The following USP4 variants were observed in gnomAD, a reference collection of about 807,000 sequenced individuals.
USP4 encodes ubiquitin carboxyl-terminal hydrolase 4.
A neutral mutation model predicts 118.2 loss-of-function variants in USP4; 72 were observed. The observed-to-expected ratio is 0.61, with a 90% CI of 0.50 to 0.74. The LOEUF is 0.74. Among genes scored for constraint, USP4 ranks in the 30% least tolerant of loss-of-function variants. The pLI, the probability that USP4 is intolerant of heterozygous loss-of-function variation, is 0.00. For synonymous variants in USP4, 415 were observed against 440.4 expected, an observed-to-expected ratio of 0.94 and a Z score of 0.72; for missense variants, 1,037 against 1,185.7, an observed-to-expected ratio of 0.87 and a Z score of 1.84.
Position 49,293,932 on chromosome 3 carries a change from C to A in USP4, c.1883+475G>T, listed in dbSNP as rs2047177081. 2.0e-5 allele frequency among the ~76,000 whole-genome samples: 3 copies of A among 151,794 alleles called. No homozygotes were observed. In the South Asian group the frequency reaches 6.2e-4, roughly 32 times the overall value. ...CCTAAGATGTGCCAGGTGGCTCATC[C>A]CAATAGCACCTGCCCTGGCCCATCC... On this transcript the variant is annotated intron_variant, in intron 14 of 21. Transcript: ENST00000265560.
At chr3:49,331,646 A>T (rs1490578958) in intron 2 of USP4, among the ~76,000 whole-genome samples, 2 of 152,146 alleles carry the variant, frequency 1.3e-5, no homozygotes, top group Non-Finnish European at 2.9e-5. Context: ...AAACAAAAAT[A>T]TTCGGTATAC....
chr3:49,338,921 G>A (rs1037845808), intron 1 of USP4, among the ~76,000 whole-genome samples: 2 of 152,136 alleles, frequency 1.3e-5, no homozygotes, highest in Non-Finnish European at 2.9e-5. Context: ...GCCGAGGCGG[G>A]TGGATCATAA....
intron 20 of USP4, among the ~76,000 whole-genome samples, chr3:49,280,034 G>A (rs1284990918): frequency 6.6e-6 from 1 of 152,192 alleles, no homozygotes; most frequent in Non-Finnish European, 1.5e-5. Flanking sequence ...GGCCAAGGCA[G>A]GGTGGTTCGC....
intron 8 of USP4, among the ~76,000 whole-genome samples, chr3:49,309,671 G>A (rs1488775929): frequency 8.7e-5 from 11 of 125,798 alleles, no homozygotes; most frequent in African/African-American, 3.0e-4. Context: ...TTGTTGCCCA[G>A]GCTGGAATAC....
intron 2 of USP4, among the ~76,000 whole-genome samples, chr3:49,329,213 A>G (rs145057056): frequency 6.6e-6 from 1 of 152,160 alleles, no homozygotes; most frequent in Admixed American, 6.6e-5. Flanking sequence ...TAAAAAATAA[A>G]GCAATTCAGT....
chr3:49,326,707 C>CG (rs2047559160), intron 3 of USP4, among the ~76,000 whole-genome samples: 1 of 138,300 alleles, frequency 7.2e-6, no homozygotes, highest in South Asian at 2.3e-4. Flanking sequence ...ATCAAAGACT[C>CG]TTTTTTTTTT....
At chr3:49,310,819 G>T in intron 7 of USP4, 82 bp from the exon 8 acceptor site, 2 of 1,101,688 alleles carry the variant, frequency 1.8e-6, no homozygotes, top group Non-Finnish European at 1.4e-6. Flanking sequence ...TCCTATGGGG[G>T]CCTCTAGAAC....
chr3:49,311,544 C>T lies in USP4; in HGVS notation c.806G>A (p.Cys269Tyr), dbSNP rs762802474. The part of the protein sequence containing the change: ...LIANGDSTST[C>Y]GMHSSGVSRG... Reference sequence around the variant, plus strand: ...GCTGACACCGGAACTGTGCATCCCACAGGTGCTAGTGCTATCACCATTTGC... The same window carrying T: ...GCTGACACCGGAACTGTGCATCCCATAGGTGCTAGTGCTATCACCATTTGC... The change falls in exon 7 of 22, where the codon TGT (cysteine) becomes TAT (tyrosine). Residue 269 changes from cysteine to tyrosine, a missense_variant. Coordinates refer to ENST00000265560, the MANE Select transcript of USP4 (RefSeq NM_003363.4). The T allele has an allele frequency of 1.6e-5, 26 of 1,613,912 alleles. No homozygotes were observed. The highest frequency in any genetic ancestry group is 2.1e-5 in the Non-Finnish European group (25 of 1,179,870).
In USP4 at chr3:49,280,748, G is replaced by A; in HGVS notation, c.2640C>T (p.Gly880=). The A allele has an allele frequency of 1.2e-6, 2 of 1,613,690 alleles. No homozygotes were observed. Among genetic ancestry groups the A allele is most frequent in the Non-Finnish European group, 1.7e-6 (2 of 1,179,696 alleles). ...GAAGCAGATGTCAATACTTACAGTG[G>A]CCAACCCCCATGGCTCCATAATGAT... ...VSNHYGAMGV[G]HYTAYAKNKL... The change falls in exon 20 of 22, where the codon GGC becomes GGT. Residue 880 remains glycine, a synonymous_variant. Coordinates refer to ENST00000265560, the MANE Select transcript of USP4 (RefSeq NM_003363.4).
Position 49,298,562 on chromosome 3 carries a change from G to T in USP4, c.1586C>A (p.Ala529Asp). ...CEALSRLSGI[A>D]AENMVVADVY... Reference sequence around the variant, plus strand: ...ATCACCCCGCCTTACATTTTCTGCAGCAATGCCAGACAGCCTGGAGAGAGC... The same window carrying T: ...ATCACCCCGCCTTACATTTTCTGCATCAATGCCAGACAGCCTGGAGAGAGC... Residue 529 changes from alanine (A) to aspartate (D), a missense_variant, in exon 12 of 22, where the codon GCT (alanine) becomes GAT (aspartate). Ala to Asp is a moderately radical substitution (Grantham distance 126). Coordinates refer to ENST00000265560, the MANE Select transcript of USP4 (RefSeq NM_003363.4). 2 of 1,614,136 alleles carry T rather than the reference G, an allele frequency of 1.2e-6. No individual in the cohort carries two copies. The highest frequency in any genetic ancestry group is 1.7e-6 in the Non-Finnish European group (2 of 1,179,994).
chr3:49,338,675 A>AAAAAAG lies in USP4; in HGVS notation c.101+1248_101+1249insCTTTTT, dbSNP rs1553628048. Reference sequence around the variant, plus strand: ...GAAATTCCTTCTCAAAAAAAAAAAAAAAAAGAAAAGAAAAGAAAAGAAAAC... The same window carrying AAAAAAG: ...GAAATTCCTTCTCAAAAAAAAAAAAAAAAAAGAAAAGAAAAGAAAAGAAAAGAAAAC... On this transcript the variant is annotated intron_variant, in intron 1 of 21. Coordinates refer to ENST00000265560, the MANE Select transcript of USP4 (RefSeq NM_003363.4). Among the ~76,000 whole-genome samples, 9 of 150,910 alleles carry AAAAAAG rather than the reference A, an allele frequency of 6.0e-5. No homozygotes were observed. The East Asian group carries it at 9.7e-4, about 16-fold the overall frequency.
At chr3:49,330,844 A>C (rs1234272777) in intron 2 of USP4, among the ~76,000 whole-genome samples, 1 of 151,242 alleles carries the variant, frequency 6.6e-6, no homozygotes, top group African/African-American at 2.4e-5. Context: ...CCCCGTCTCT[A>C]CTAAAAATAC....
At position 49,284,905 on chromosome 3, in the gene USP4, C is replaced by T. The variant is rs2047077085; in HGVS notation, c.2215G>A (p.Ala739Thr). The change falls in exon 17 of 22, where the codon GCC (alanine) becomes ACC (threonine). Residue 739 changes from alanine (A) to threonine (T), a missense_variant. Ala to Thr is a moderately conservative substitution (Grantham distance 58). Coordinates refer to ENST00000265560, the MANE Select transcript of USP4 (RefSeq NM_003363.4). ...CGAGTTTCACTGTCCCAATCCATGGCCAGTGTAGATCGAGCTGAGGAGGAC... is the reference window on the plus strand; with the variant it reads ...CGAGTTTCACTGTCCCAATCCATGGTCAGTGTAGATCGAGCTGAGGAGGAC... Reference protein sequence around the residue: ...LLKLNSRSTLAMDWDSETRRL... With the variant: ...LLKLNSRSTLTMDWDSETRRL... 1 of 1,612,984 alleles carries T rather than the reference C, an allele frequency of 6.2e-7. No individual in the cohort carries two copies. Among genetic ancestry groups the T allele is most frequent in the African/African-American group, 1.3e-5 (1 of 74,910 alleles).
At chr3:49,305,141 C>T (rs2047300615) in intron 9 of USP4, among the ~76,000 whole-genome samples, 2 of 150,662 alleles carry the variant, frequency 1.3e-5, no homozygotes, top group African/African-American at 4.9e-5. Flanking sequence ...GGCGCAATCT[C>T]GGCTCACTGC....
chr3:49,318,529 G>C lies in USP4; in HGVS notation c.695+6173C>G, dbSNP rs554517941. 1.7e-4 allele frequency: 165 copies of C among 985,426 alleles called. No individual in the cohort carries two copies. In the Middle Eastern group the frequency reaches 7.3e-3, roughly 44 times the overall value. The allele number at this position is 985,426 out of a possible 1,614,324, so 61.0% of individuals were successfully genotyped here. On this transcript the variant is annotated intron_variant, in intron 6 of 21. Coordinates refer to ENST00000265560, the MANE Select transcript of USP4 (RefSeq NM_003363.4). ...CCCTTGAGAAACTAATATTAAGTTA[G>C]CTGGAGCAATTCACATGGAAGAGAA... is the stretch of plus-strand genomic sequence containing the variant.
At chr3:49,327,461 G>T (rs1019633013) in intron 3 of USP4, among the ~76,000 whole-genome samples, 2 of 152,126 alleles carry the variant, frequency 1.3e-5, no homozygotes, top group African/African-American at 2.4e-5. Context: ...ACTTGAACCT[G>T]GGAGCCAGAG....
At chr3:49,295,730 ACACACC>A (rs1395513750) in intron 13 of USP4, among the ~76,000 whole-genome samples, 2 of 150,360 alleles carry the variant, frequency 1.3e-5, no homozygotes, top group Non-Finnish European at 2.9e-5. Context: ...ACACACACAC[ACACACC>A]CCCCCCTCCC....
chr3:49,322,099 C>T (rs1193151536), intron 6 of USP4, among the ~76,000 whole-genome samples: 2 of 152,182 alleles, frequency 1.3e-5, no homozygotes, highest in Non-Finnish European at 2.9e-5. Context: ...AGGACACCCC[C>T]AGACCCCTAG....
Position 49,312,711 on chromosome 3 carries a change from G to A in USP4, c.696-1057C>T, listed in dbSNP as rs572910751. 468 of 300,054 alleles carry A rather than the reference G, an allele frequency of 1.6e-3. 1 individual carries two copies. The highest frequency in any genetic ancestry group is 2.7e-3 in the Admixed American group (61 of 22,908). 18.6% of individuals were successfully genotyped at this position (300,054 alleles called of 1,614,324 possible). A position where few individuals can be genotyped will look rare whatever the true frequency, so the allele number is the denominator to read the frequency against. On this transcript the variant is annotated intron_variant, in intron 6 of 21. Transcript: ENST00000265560. ...GGAGGCTGAGGGGCAGGAGAATTGC[G>A]TGAAACCGGGAGGCGGAGGTTGCAG...
Sources: allele counts gnomAD v4.1 joint callset (sites outside exome capture counted in the v4.1 genomes callset), GRCh38; gene constraint gnomAD v4.1.1; transcripts MANE v1.5; gene names NCBI Gene and HGNC (gene_info 2026-07-23, HGNC 2026-07-21).